Variants in NOX4 observed in about 807,000 individuals in gnomAD.
NOX4 encodes NADPH oxidase 4.
In NOX4, 69 loss-of-function variants were observed where a neutral mutation model predicts 87.6. The ratio of observed to expected loss-of-function variants is 0.79; its 90% CI spans 0.65 to 0.96. NOX4 has a LOEUF of 0.96. Ranked by LOEUF, NOX4 falls within the 40% of genes least tolerant of loss-of-function variation. NOX4 has a pLI of 0.00. For synonymous variants in NOX4, 275 were observed against 238.2 expected (o/e 1.15, Z -1.42); for missense variants, 680 against 681.5 (o/e 1.00, Z 0.02).
At chr11:89,467,916 A>G (rs1031259656) in intron 2 of NOX4, among the ~76,000 whole-genome samples, 2 of 152,246 alleles carry the variant, frequency 1.3e-5, no homozygotes, top group Non-Finnish European at 2.9e-5. Context: ...TCATCGCATC[A>G]GTAAAATTTT....
chr11:89,405,624 CA>C (rs201859016), intron 8 of NOX4, among the ~76,000 whole-genome samples: 92 of 135,784 alleles, frequency 6.8e-4, no homozygotes, highest in South Asian at 7.0e-4. Context: ...AATCATTCAT[CA>C]AAAAAAAAAA....
At chr11:89,563,875 A>G in the NOX4 span, among the ~76,000 whole-genome samples, 1 of 152,192 alleles carries the variant, frequency 6.6e-6, no homozygotes, top group Non-Finnish European at 1.5e-5. Flanking sequence ...TCGGAAATAC[A>G]GAAAATGACA....
the NOX4 span, among the ~76,000 whole-genome samples, chr11:89,550,736 G>A: frequency 3.9e-5 from 6 of 152,258 alleles, no homozygotes; most frequent in South Asian, 1.0e-3. Flanking sequence ...CTCCCAATCT[G>A]TGGGTTGCCT....
At chr11:89,497,123 G>C (rs1197930861), upstream of NOX4, among the ~76,000 whole-genome samples, 1 of 152,186 alleles carries the variant, frequency 6.6e-6, no homozygotes, top group Non-Finnish European at 1.5e-5. Context: ...GTCATCCCAG[G>C]TGTGTAGAGA....
intron 4 of NOX4, among the ~76,000 whole-genome samples, chr11:89,445,021 C>T (rs1036049957): frequency 6.6e-6 from 1 of 152,056 alleles, no homozygotes; most frequent in African/African-American, 2.4e-5. Flanking sequence ...TCAAGCTTTG[C>T]TTGTAGGCAA....
the NOX4 span, chr11:89,548,866 C>T: frequency 2.6e-5 from 4 of 152,118 alleles, no homozygotes; most frequent in African/African-American, 9.7e-5. Context: ...TCTGGAGACA[C>T]CAGCAGGAGA....
chr11:89,349,235 C>T (rs1044839101), intron 13 of NOX4, among the ~76,000 whole-genome samples: 7 of 151,520 alleles, frequency 4.6e-5, no homozygotes, highest in African/African-American at 7.3e-5. Flanking sequence ...TGCAGTGAGC[C>T]GAAATTGCAC....
At chr11:89,413,966 CAAT>C (rs879259343) in intron 8 of NOX4, among the ~76,000 whole-genome samples, 16 of 151,866 alleles carry the variant, frequency 1.1e-4, no homozygotes, top group Admixed American at 3.3e-4. Context: ...ACATAGACAA[CAAT>C]AAAAATATAT....
At chr11:89,487,169 C>T (rs1400880005) in intron 2 of NOX4, among the ~76,000 whole-genome samples, 2 of 152,064 alleles carry the variant, frequency 1.3e-5, no homozygotes, top group African/African-American at 2.4e-5. Context: ...GTATTCAAAT[C>T]CTAGCTCTGA....
intron 2 of NOX4, among the ~76,000 whole-genome samples, chr11:89,470,113 C>A (rs892158143): frequency 3.3e-5 from 5 of 151,576 alleles, no homozygotes; most frequent in Admixed American, 3.3e-4. Context: ...GATACCTACC[C>A]CAAAGGGTTA....
chr11:89,473,677 C>A (rs919138938), intron 2 of NOX4, among the ~76,000 whole-genome samples: 23 of 152,180 alleles, frequency 1.5e-4, no homozygotes, highest in African/African-American at 4.8e-4. Flanking sequence ...TTCTTATTAA[C>A]TTTTACTAAT....
chr11:89,589,266 C>T, the NOX4 span, among the ~76,000 whole-genome samples: 15 of 152,252 alleles, frequency 9.9e-5, no homozygotes, highest in South Asian at 2.9e-3. Flanking sequence ...TCACAAGCAG[C>T]TTACTTGGAT....
At chr11:89,339,016 C>T (rs1050623559) in intron 15 of NOX4, among the ~76,000 whole-genome samples, 8 of 152,040 alleles carry the variant, frequency 5.3e-5, no homozygotes, top group African/African-American at 1.7e-4. Flanking sequence ...TTTTATTTTG[C>T]CACCTGATGA....
chr11:89,415,412 G>A (rs564329458), intron 8 of NOX4, among the ~76,000 whole-genome samples: 190 of 152,070 alleles, frequency 1.2e-3, no homozygotes, highest in South Asian at 9.3e-3. Context: ...AACTGAAGTA[G>A]GCTATATAAA....
chr11:89,457,460 G>A (rs1056889362), intron 2 of NOX4, among the ~76,000 whole-genome samples: 1 of 152,172 alleles, frequency 6.6e-6, no homozygotes, highest in African/African-American at 2.4e-5. Context: ...GCCAGCACCA[G>A]CTTTGTAGAG....
chr11:89,512,839 T>C, the NOX4 span, among the ~76,000 whole-genome samples: 1 of 152,122 alleles, frequency 6.6e-6, no homozygotes, highest in Non-Finnish European at 1.5e-5. Flanking sequence ...CAGTTACTGG[T>C]CTGTATGTAG....
At chr11:89,341,936 C>T (rs191492882) in intron 14 of NOX4, 138 bp downstream of exon 14, 14 of 728,204 alleles carry the variant, frequency 1.9e-5, no homozygotes, top group African/African-American at 1.1e-4. Context: ...AATTATTCCC[C>T]TCACCAATCA....
upstream of NOX4, among the ~76,000 whole-genome samples, chr11:89,501,403 G>A (rs1337279107): frequency 2.0e-5 from 3 of 151,878 alleles, no homozygotes; most frequent in African/African-American, 4.8e-5. Flanking sequence ...TATTAAGGTC[G>A]CTTATATTAA....
chr11:89,509,148 A>G, the NOX4 span, among the ~76,000 whole-genome samples: 5 of 152,120 alleles, frequency 3.3e-5, no homozygotes, highest in Admixed American at 1.3e-4. Context: ...TAAATAATAA[A>G]TCATTCTGAG....
Sources: allele counts gnomAD v4.1 joint callset (sites outside exome capture counted in the v4.1 genomes callset), GRCh38; gene constraint gnomAD v4.1.1; transcripts MANE v1.5; gene names NCBI Gene and HGNC (gene_info 2026-07-23, HGNC 2026-07-21).